Variants in GTF2IRD1 observed in about 807,000 individuals in gnomAD.
The protein encoded by GTF2IRD1 is GTF2I repeat domain containing 1.
GTF2IRD1 carries 26 observed loss-of-function variants against 113.2 expected under a neutral mutation model. The ratio of observed to expected loss-of-function variants is 0.23; its 90% CI spans 0.17 to 0.32. The LOEUF is 0.32. Ranked by LOEUF, GTF2IRD1 falls within the 10% of genes least tolerant of loss-of-function variation. The pLI, the probability that GTF2IRD1 is intolerant of heterozygous loss-of-function variation, is 1.00. For missense variants in GTF2IRD1, 864 were observed against 1,280.8 expected (o/e 0.67, Z 4.97); for synonymous variants, 484 against 529.1 (o/e 0.91, Z 1.17).
intron 1 of GTF2IRD1, among the ~76,000 whole-genome samples, chr7:74,457,456 G>A (rs554133283): frequency 1.3e-4 from 20 of 152,230 alleles, no homozygotes; most frequent in African/African-American, 4.3e-4. Flanking sequence ...CTTGAGCCTT[G>A]ACCTAAATGG....
At chr7:74,463,025 T>C (rs797025958) in intron 1 of GTF2IRD1, among the ~76,000 whole-genome samples, 24 of 152,284 alleles carry the variant, frequency 1.6e-4, no homozygotes, top group African/African-American at 5.8e-4. Context: ...TGTGGGAGTC[T>C]GGGGTTCCTG....
At chr7:74,529,411 A>G (rs782706326) in intron 8 of GTF2IRD1, among the ~76,000 whole-genome samples, 102 of 151,782 alleles carry the variant, frequency 6.7e-4, no homozygotes, top group Non-Finnish European at 1.1e-3. Flanking sequence ...GCACCACCAC[A>G]CCTAGCTTTT....
At chr7:74,520,057 A>G (rs1416188007) in intron 6 of GTF2IRD1, among the ~76,000 whole-genome samples, 2 of 125,932 alleles carry the variant, frequency 1.6e-5, no homozygotes, top group Non-Finnish European at 3.1e-5. Flanking sequence ...ACACCTCTGC[A>G]CTCCAGCCTG....
At position 74,515,222 on chromosome 7, in the gene GTF2IRD1, A is replaced by G. The variant is rs587767336; in HGVS notation, c.266-219A>G. On this transcript the variant is annotated intron_variant, in intron 3 of 26. Coordinates refer to ENST00000424337, the MANE Select transcript of GTF2IRD1 (RefSeq NM_005685.4). ...AGCAAATTAGAGGTGACCAGAGGTG[A>G]GGCCCAGCCCTGGGAACTCTGAGAT... is the stretch of plus-strand genomic sequence containing the variant. The G allele has an allele frequency of 2.1e-4, 179 of 845,750 alleles. 2 individuals carry two copies. In the South Asian group the frequency reaches 2.2e-3, roughly 11 times the overall value. 52.4% of individuals were successfully genotyped at this position (845,750 alleles called of 1,614,324 possible).
chr7:74,559,112 C>A, intron 21 of GTF2IRD1, 68 bp downstream of exon 21: 1 of 1,411,400 alleles, frequency 7.1e-7, no homozygotes. Context: ...ACCTGCGAAT[C>A]CTTAGCCTTT....
chr7:74,470,632 G>T (rs772672576), intron 1 of GTF2IRD1, among the ~76,000 whole-genome samples: 1 of 152,188 alleles, frequency 6.6e-6, no homozygotes, highest in Non-Finnish European at 1.5e-5. Flanking sequence ...CAATTCAGAT[G>T]TCAGACTGCC....
chr7:74,586,990 T>A (rs753323511), intron 22 of GTF2IRD1, among the ~76,000 whole-genome samples: 2 of 151,812 alleles, frequency 1.3e-5, no homozygotes, highest in East Asian at 1.9e-4. Flanking sequence ...CAAAAAATTT[T>A]AAAAAAACTT....
At position 74,535,099 on chromosome 7, in the gene GTF2IRD1, T is replaced by C. The variant is rs1376670473; in HGVS notation, c.1275-14T>C. 2 of 1,611,596 alleles carry C rather than the reference T, an allele frequency of 1.2e-6. No individual in the cohort carries two copies. The highest frequency in any genetic ancestry group is 1.3e-5 in the African/African-American group (1 of 74,872). Reference sequence around the variant, plus strand: ...CCTGCACTGTTCTCATGCCTGTCTCTCTTCTCTCCCCAGGATGTTTGATGA... The same window carrying C: ...CCTGCACTGTTCTCATGCCTGTCTCCCTTCTCTCCCCAGGATGTTTGATGA... On this transcript the variant is annotated splice_polypyrimidine_tract_variant and intron_variant, in intron 9 of 26. Transcript: ENST00000424337.
In GTF2IRD1 at chr7:74,508,066, T is replaced by A; in HGVS notation, c.-6-9T>A. The A allele has an allele frequency of 6.2e-7, 1 of 1,601,208 alleles. No individual in the cohort carries two copies. The highest frequency in any genetic ancestry group is 8.5e-7 in the Non-Finnish European group (1 of 1,177,676). The stretch of plus-strand genomic sequence containing the variant: ...GTGCCCACCACCACTGCCTCCTCCC[T>A]CCCCACAGGCGACCATGGCCTTGCT... On this transcript the variant is annotated splice_polypyrimidine_tract_variant and intron_variant, in intron 1 of 26. Transcript: ENST00000424337.
intron 6 of GTF2IRD1, among the ~76,000 whole-genome samples, chr7:74,520,887 T>TTAC (rs58500213): frequency 7.0e-6 from 1 of 142,478 alleles, no homozygotes; most frequent in African/African-American, 2.6e-5. Context: ...ATTATTATTA[T>TTAC]AAGGGGGAAA....
chr7:74,496,793 T>C (rs967047222), intron 1 of GTF2IRD1, among the ~76,000 whole-genome samples: 1 of 152,038 alleles, frequency 6.6e-6, no homozygotes, highest in Non-Finnish European at 1.5e-5. Context: ...CTCTCTAGTC[T>C]TAGGAACGAC....
At chr7:74,574,476 T>A (rs1181546421) in intron 22 of GTF2IRD1, among the ~76,000 whole-genome samples, 2 of 141,692 alleles carry the variant, frequency 1.4e-5, no homozygotes, top group Non-Finnish European at 3.1e-5. Context: ...TTTTTTTTTT[T>A]AAGGCAGGGT....
At chr7:74,509,920 C>G (rs1462454142) in intron 2 of GTF2IRD1, among the ~76,000 whole-genome samples, 3 of 152,122 alleles carry the variant, frequency 2.0e-5, no homozygotes, top group African/African-American at 7.2e-5. Context: ...CGTGATCCGC[C>G]CACCTCAGCC....
At chr7:74,562,391 C>T (rs1800024147) in intron 22 of GTF2IRD1, among the ~76,000 whole-genome samples, 1 of 151,996 alleles carries the variant, frequency 6.6e-6, no homozygotes, top group African/African-American at 2.4e-5. Flanking sequence ...AAAGTGCCGC[C>T]TCATTCAAGT....
intron 3 of GTF2IRD1, among the ~76,000 whole-genome samples, chr7:74,513,455 A>G (rs1796750554): frequency 6.6e-6 from 1 of 152,114 alleles, no homozygotes; most frequent in Non-Finnish European, 1.5e-5. Flanking sequence ...ACAGGCACCT[A>G]CCACCACGCC....
chr7:74,526,890 C>A (rs1554347327), intron 8 of GTF2IRD1, among the ~76,000 whole-genome samples: 1 of 152,140 alleles, frequency 6.6e-6, no homozygotes, highest in African/African-American at 2.4e-5. Context: ...TCAGTGGGAT[C>A]TGGATGCCAA....
At chr7:74,461,162 C>T (rs1366210671) in intron 1 of GTF2IRD1, among the ~76,000 whole-genome samples, 4 of 152,122 alleles carry the variant, frequency 2.6e-5, no homozygotes, top group Non-Finnish European at 4.4e-5. Flanking sequence ...GTGGGACCCC[C>T]GGGGGCAGGT....
chr7:74,573,418 AT>A, intron 22 of GTF2IRD1, among the ~76,000 whole-genome samples: 1 of 151,062 alleles, frequency 6.6e-6, no homozygotes, highest in South Asian at 2.1e-4. Context: ...AAAAAAAACG[AT>A]TAAAATTTAA....
intron 3 of GTF2IRD1, 103 bp from the exon 4 acceptor site, chr7:74,515,338 G>GAGC: frequency 6.5e-7 from 1 of 1,532,460 alleles, no homozygotes; most frequent in South Asian, 1.2e-5. Flanking sequence ...ATCACATTGT[G>GAGC]TGCCAGTCTC....
Sources: gnomAD v4.1 joint callset for allele counts (sites outside exome capture counted in the v4.1 genomes callset) on GRCh38, gnomAD v4.1.1 for gene constraint, MANE v1.5 for transcripts, NCBI Gene and HGNC (gene_info 2026-07-23, HGNC 2026-07-21) for gene names.